Variants in CRTAC1 observed in about 807,000 individuals in gnomAD.
The protein encoded by CRTAC1 is cartilage acidic protein 1, also known as acidic secreted protein in cartilage.
A neutral mutation model predicts 67.8 loss-of-function variants in CRTAC1; 37 were observed. The ratio of observed to expected loss-of-function variants is 0.55; its 90% CI spans 0.42 to 0.72. The LOEUF is 0.72. Ranked by LOEUF, CRTAC1 falls within the 30% of genes least tolerant of loss-of-function variation. CRTAC1 has a pLI of 0.00. For synonymous variants in CRTAC1, 348 were observed against 371.0 expected (o/e 0.94, Z 0.71); for missense variants, 780 against 931.6 (o/e 0.84, Z 2.12).
intron 14 of CRTAC1, chr10:97,870,140 C>G (rs2050075953): frequency 6.6e-6 from 1 of 150,966 alleles, no homozygotes; most frequent in Non-Finnish European, 1.5e-5. Flanking sequence ...AATGCCTGAT[C>G]CTATCCTCAG....
Position 98,029,368 on chromosome 10 carries a change from G to A in CRTAC1, c.24+1081C>T, listed in dbSNP as rs1219786795. 6.6e-6 allele frequency among the ~76,000 whole-genome samples: 1 copy of A among 152,146 alleles called. No individual in the cohort carries two copies. Among genetic ancestry groups the A allele is most frequent in the Non-Finnish European group, 1.5e-5 (1 of 68,026 alleles). ...CTTCTTTTCCACTTGGCTTCACGTG[G>A]AAAGTCCTGCACCCATCCCAGAAGA... On this transcript the variant is annotated intron_variant, in intron 1 of 14. Coordinates refer to ENST00000370597, the MANE Select transcript of CRTAC1 (RefSeq NM_018058.7). The surrounding 1 kb of genome is among the most constrained non-coding windows in gnomAD (Gnocchi z 4.7).
intron 14 of CRTAC1, among the ~76,000 whole-genome samples, chr10:97,872,302 T>C (rs921421881): frequency 2.0e-5 from 3 of 152,186 alleles, no homozygotes; most frequent in Non-Finnish European, 4.4e-5. Flanking sequence ...CAGTGGTCAC[T>C]GAAGGATACA....
intron 2 of CRTAC1, among the ~76,000 whole-genome samples, chr10:98,001,976 C>A (rs1001539605): frequency 2.6e-5 from 4 of 152,182 alleles, no homozygotes; most frequent in African/African-American, 9.7e-5. Context: ...GTGGGAGTTG[C>A]GTATATTCCA....
At chr10:97,873,565 C>A (rs779304422) in intron 14 of CRTAC1, among the ~76,000 whole-genome samples, 2 of 152,196 alleles carry the variant, frequency 1.3e-5, no homozygotes, top group Admixed American at 6.5e-5. Context: ...TGCTTTTTTC[C>A]TGTTCCAGGA....
intron 2 of CRTAC1, among the ~76,000 whole-genome samples, chr10:97,960,884 G>A (rs1268018320): frequency 6.6e-6 from 1 of 152,208 alleles, no homozygotes; most frequent in Non-Finnish European, 1.5e-5. Flanking sequence ...TTATTCTTAG[G>A]CAGCCAGTGT....
chr10:97,998,939 C>A (rs1055906413), intron 2 of CRTAC1, among the ~76,000 whole-genome samples: 2 of 151,924 alleles, frequency 1.3e-5, no homozygotes, highest in African/African-American at 2.4e-5. Flanking sequence ...TCAAAGTAAA[C>A]CTCTAAAAAA....
intron 14 of CRTAC1, among the ~76,000 whole-genome samples, chr10:97,872,984 G>A (rs1235528614): frequency 1.3e-5 from 2 of 152,180 alleles, no homozygotes; most frequent in Admixed American, 1.3e-4. Flanking sequence ...GAAACCAGGA[G>A]GTTAAACGTC....
At chr10:97,988,721 A>T (rs1404670937) in intron 2 of CRTAC1, among the ~76,000 whole-genome samples, 1 of 152,170 alleles carries the variant, frequency 6.6e-6, no homozygotes, top group Non-Finnish European at 1.5e-5. Context: ...CTCCGTCTCT[A>T]AAAAAAGCAA....
chr10:97,952,151 G>A (rs1200053108), intron 2 of CRTAC1, among the ~76,000 whole-genome samples: 1 of 152,072 alleles, frequency 6.6e-6, no homozygotes, highest in African/African-American at 2.4e-5. Flanking sequence ...AGGAGATCAA[G>A]ACCAGCCTGG....
chr10:97,974,306 C>T (rs1284969081), intron 2 of CRTAC1, among the ~76,000 whole-genome samples: 2 of 152,140 alleles, frequency 1.3e-5, no homozygotes, highest in Non-Finnish European at 2.9e-5. Context: ...GCAGGCTCCC[C>T]CCCTGCTGCG....
intron 2 of CRTAC1, among the ~76,000 whole-genome samples, chr10:97,988,142 G>T (rs1299861988): frequency 6.6e-6 from 1 of 151,948 alleles, no homozygotes; most frequent in Admixed American, 6.6e-5. Context: ...TCTGGCTCCT[G>T]TCTGTCCTGA....
At chr10:98,007,924 G>C (rs1842824717) in intron 2 of CRTAC1, among the ~76,000 whole-genome samples, 1 of 152,160 alleles carries the variant, frequency 6.6e-6, no homozygotes, top group Non-Finnish European at 1.5e-5. Flanking sequence ...CCAGCACTTG[G>C]AAAGAAAGAA....
chr10:97,954,778 A>G (rs747163635), intron 2 of CRTAC1, among the ~76,000 whole-genome samples: 2 of 152,216 alleles, frequency 1.3e-5, no homozygotes, highest in African/African-American at 2.4e-5. Flanking sequence ...CAAGGTATCA[A>G]CAAGGTCACA....
At chr10:97,948,124 A>T (rs1220164753) in intron 2 of CRTAC1, among the ~76,000 whole-genome samples, 2 of 136,554 alleles carry the variant, frequency 1.5e-5, no homozygotes, top group South Asian at 4.7e-4. Flanking sequence ...AAAAAAAAAA[A>T]CTCTTCTGAG....
In CRTAC1 at chr10:97,886,377, C is replaced by T. The variant is rs546350933; in HGVS notation, c.1487-2026G>A. 2.6e-5 allele frequency among the ~76,000 whole-genome samples: 4 copies of T among 152,362 alleles called. No homozygotes were observed. In the East Asian group the frequency reaches 5.8e-4, roughly 22 times the overall value. On this transcript the variant is annotated intron_variant, in intron 11 of 14. Transcript: ENST00000370597. ...TCTGAAGAGTCCATGGAGAGGCAGCCGCTGCCCTCATGGGCACAGCAGGCA... is the reference window on the plus strand; with the variant it reads ...TCTGAAGAGTCCATGGAGAGGCAGCTGCTGCCCTCATGGGCACAGCAGGCA...
In CRTAC1 at chr10:97,968,083, GC is replaced by G. The variant is rs1434631245; in HGVS notation, c.225-31718del. On this transcript the variant is annotated intron_variant, in intron 2 of 14. Transcript: ENST00000370597. ...AAAACAGGCTTAAAAAATAAATGAA[GC>G]TCAAAAAGGTTTTAAATTCACAGAT... 4.6e-5 allele frequency among the ~76,000 whole-genome samples: 7 copies of G among 152,212 alleles called. No individual in the cohort carries two copies. The East Asian group carries it at 1.4e-3, about 29-fold the overall frequency.
intron 14 of CRTAC1, chr10:97,879,727 G>T: frequency 6.4e-7 from 1 of 1,550,644 alleles, no homozygotes; most frequent in Non-Finnish European, 8.7e-7. Flanking sequence ...CCTAGAGAAA[G>T]ATATGAGGCC....
intron 1 of CRTAC1, among the ~76,000 whole-genome samples, chr10:98,012,445 G>A (rs1842927826): frequency 6.6e-6 from 1 of 152,208 alleles, no homozygotes. Context: ...CACAAAGGCT[G>A]CATGGGTCTA....
At position 97,970,512 on chromosome 10, in the gene CRTAC1, T is replaced by A. The variant is rs151295125; in HGVS notation, c.225-34146A>T. 4.5e-3 allele frequency among the ~76,000 whole-genome samples: 691 copies of A among 152,300 alleles called. 2 individuals carry two copies. Among genetic ancestry groups the A allele is most frequent in the African/African-American group, 0.016 (646 of 41,560 alleles). The stretch of plus-strand genomic sequence containing the variant: ...TTATTTGTCACTCCTCTCTGCTTCC[T>A]CACTCTGCTCCAGCAGAGAAGGCTA... On this transcript the variant is annotated intron_variant, in intron 2 of 14. Coordinates refer to ENST00000370597, the MANE Select transcript of CRTAC1 (RefSeq NM_018058.7).
Sources: gnomAD v4.1 joint callset for allele counts (sites outside exome capture counted in the v4.1 genomes callset) on GRCh38, gnomAD v4.1.1 for gene constraint, Gnocchi (gnomAD v3.1) non-coding constraint, MANE v1.5 for transcripts, NCBI Gene and HGNC (gene_info 2026-07-23, HGNC 2026-07-21) for gene names.